FBRSL1: variants seen among roughly 807,000 people sequenced by gnomAD.
FBRSL1 encodes the protein fibrosin-1-like protein.
A neutral mutation model predicts 89.6 loss-of-function variants in FBRSL1; 51 were observed. The ratio of observed to expected loss-of-function variants is 0.57; its 90% confidence interval spans 0.45 to 0.72. The LOEUF (loss-of-function observed/expected upper bound fraction) is 0.72. FBRSL1 is among the 30% of genes least tolerant of loss of function. The pLI is 0.00. For missense variants in FBRSL1, 1,618 were observed against 1,451.8 expected (o/e 1.11, Z -1.86); for synonymous variants, 779 against 681.1 (o/e 1.14, Z -2.24).
At chr12:132,578,436 G>C (rs148678714) in intron 15 of FBRSL1, among the ~76,000 whole-genome samples, 1 of 151,794 alleles carries the variant, frequency 6.6e-6, no homozygotes. Context: ...CTTCATCCTC[G>C]TCCTCACACG....
chr12:132,493,866 G>A (rs1320768941), intron 1 of FBRSL1, among the ~76,000 whole-genome samples: 1 of 152,226 alleles, frequency 6.6e-6, no homozygotes, highest in Non-Finnish European at 1.5e-5. Context: ...CCTAAATGGT[G>A]GTGGTGGTGG....
chr12:132,493,507 C>T (rs1164152004), intron 1 of FBRSL1, among the ~76,000 whole-genome samples: 1 of 152,226 alleles, frequency 6.6e-6, no homozygotes, highest in Non-Finnish European at 1.5e-5. Context: ...GGCCCCAGCC[C>T]TGGCCCCTGG....
intron 4 of FBRSL1, among the ~76,000 whole-genome samples, chr12:132,529,710 C>T (rs2036102870): frequency 1.3e-5 from 2 of 151,960 alleles, no homozygotes; most frequent in African/African-American, 2.4e-5. Flanking sequence ...CCCCTGGGCT[C>T]TTCTCTGCCA....
At chr12:132,557,250 T>G (rs1171396381) in intron 5 of FBRSL1, among the ~76,000 whole-genome samples, 1 of 152,202 alleles carries the variant, frequency 6.6e-6, no homozygotes, top group Non-Finnish European at 1.5e-5. Flanking sequence ...AACACCACCG[T>G]CAAGTCCCTA....
At position 132,546,642 on chromosome 12, in the gene FBRSL1, C is replaced by A. The variant is rs369772681; in HGVS notation, c.616-1361C>A. On this transcript the variant is annotated intron_variant, in intron 4 of 18. Coordinates refer to ENST00000680143, the MANE Select transcript of FBRSL1 (RefSeq NM_001367871.1). The surrounding 1 kb of genome is among the most constrained non-coding windows in gnomAD (Gnocchi z 4.0). Reference sequence around the variant, plus strand: ...GAGGGCTTGGCCACGGCTGAAAGGCCAGACCAGGGGGGACCAGCACACAGC... The same window carrying A: ...GAGGGCTTGGCCACGGCTGAAAGGCAAGACCAGGGGGGACCAGCACACAGC... 6.6e-6 allele frequency among the ~76,000 whole-genome samples: 1 copy of A among 152,106 alleles called. No individual in the cohort carries two copies. Among genetic ancestry groups the A allele is most frequent in the East Asian group, 1.9e-4 (1 of 5,186 alleles).
At chr12:132,517,011 C>T (rs187249798) in intron 2 of FBRSL1, among the ~76,000 whole-genome samples, 10 of 152,344 alleles carry the variant, frequency 6.6e-5, no homozygotes, top group Non-Finnish European at 1.0e-4. Context: ...TAATTTCTCC[C>T]GCCTCCTGGG....
rs1001655812 is a variant in FBRSL1 at position 132,510,321 on chromosome 12, G to A, written c.489+1971G>A. 26 of 1,230,274 alleles carry A rather than the reference G, an allele frequency of 2.1e-5. No individual in the cohort carries two copies. The African/African-American group carries it at 3.6e-4, about 17-fold the overall frequency. The allele number at this position is 1,230,274 out of a possible 1,614,324, so 76.2% of individuals were successfully genotyped here. ...GCGGTCCCTATTGGATCTGGTGCCG[G>A]CCCGTCAGCCCCGGCTCTCGCTCCT... On this transcript the variant is annotated intron_variant, in intron 2 of 18. Transcript: ENST00000680143.
chr12:132,570,040 C>A lies in FBRSL1; in HGVS notation c.806C>A (p.Pro269His). ...TTCCTGCCCACTGCCAGCCCCGCGCCCCATGCCGCGCCCTGCCCGGGGCCC... is the reference window on the plus strand; with the variant it reads ...TTCCTGCCCACTGCCAGCCCCGCGCACCATGCCGCGCCCTGCCCGGGGCCC... ...ESFLPTASPA[P>H]HAAPCPGPPP... Residue 269 changes from proline to histidine, a missense_variant, in exon 7 of 19, where the codon CCC (proline) becomes CAC (histidine). Pro to His is a moderately conservative substitution (Grantham distance 77). Coordinates refer to ENST00000680143, the MANE Select transcript of FBRSL1 (RefSeq NM_001367871.1). The A allele has an allele frequency of 6.6e-7, 1 of 1,510,992 alleles. No individual in the cohort carries two copies. The highest frequency in any genetic ancestry group is 1.2e-5 in the South Asian group (1 of 81,262). The allele number at this position is 1,510,992 out of a possible 1,614,324, so 93.6% of individuals were successfully genotyped here.
chr12:132,511,739 C>G (rs2034363277), intron 2 of FBRSL1: 1 of 985,348 alleles, frequency 1.0e-6, no homozygotes, highest in South Asian at 4.7e-5. Context: ...CTCCAGCACC[C>G]CGCACTTGCT....
rs1026110508 is a variant in FBRSL1, at chr12:132,546,558, G to A, written c.616-1445G>A. On this transcript the variant is annotated intron_variant, in intron 4 of 18. Transcript: ENST00000680143. This position sits in a 1 kb window ranked among gnomAD's most constrained non-coding sequence, Gnocchi z 4.0. ...GCCACGGCTGAAAGGCCAGACCGGG[G>A]GGACCCTAGGAGAGGGCTTGGCCAC... 5.9e-5 allele frequency among the ~76,000 whole-genome samples: 9 copies of A among 151,894 alleles called. No individual in the cohort carries two copies. The highest frequency in any genetic ancestry group is 1.2e-4 in the Non-Finnish European group (8 of 67,898).
intron 8 of FBRSL1, among the ~76,000 whole-genome samples, 176 bp downstream of exon 8, chr12:132,570,716 C>T (rs970544755): frequency 1.3e-5 from 2 of 152,186 alleles, no homozygotes; most frequent in African/African-American, 4.8e-5. Context: ...TGCTGGGCCA[C>T]AGGCCATCTG....
intron 9 of FBRSL1, chr12:132,571,588 AC>A: frequency 1.8e-6 from 2 of 1,110,688 alleles, no homozygotes; most frequent in Non-Finnish European, 2.4e-6. Context: ...CGCAGCAGGC[AC>A]ACACAGACAC....
At chr12:132,536,081 T>A (rs2036705647) in intron 4 of FBRSL1, among the ~76,000 whole-genome samples, 1 of 135,944 alleles carries the variant, frequency 7.4e-6, no homozygotes, top group African/African-American at 2.7e-5. Context: ...GTGTGTTCTG[T>A]GTGTACATGG....
chr12:132,580,913 T>C (rs2040701282), intron 15 of FBRSL1: 1 of 985,422 alleles, frequency 1.0e-6, no homozygotes, highest in Non-Finnish European at 1.2e-6. Context: ...CCAAGGGTTG[T>C]TGGGGGGCCA....
At chr12:132,540,440 CGGCCACCTACCCACCCTGGCCCG>C (rs796794441) in intron 4 of FBRSL1, among the ~76,000 whole-genome samples, 17 of 150,772 alleles carry the variant, frequency 1.1e-4, no homozygotes, top group African/African-American at 3.9e-4. Context: ...CAGCTGGTCC[CGGCCACCTACCCACCCTGGCCCG>C]GGCCACCTAC....
At chr12:132,575,849 C>T (rs1480976299) in intron 14 of FBRSL1, among the ~76,000 whole-genome samples, 2 of 152,250 alleles carry the variant, frequency 1.3e-5, no homozygotes, top group African/African-American at 2.4e-5. Flanking sequence ...CAGGAGGGGC[C>T]GGCCCAGGCC....
intron 2 of FBRSL1, chr12:132,511,214 C>T (rs1439274284): frequency 1.0e-6 from 1 of 985,408 alleles, no homozygotes; most frequent in East Asian, 1.1e-4. Flanking sequence ...ACTCTGCCTC[C>T]ACCACCCCCG....
At chr12:132,515,503 G>T (rs1449853697) in intron 2 of FBRSL1, among the ~76,000 whole-genome samples, 4 of 139,674 alleles carry the variant, frequency 2.9e-5, no homozygotes, top group Non-Finnish European at 6.2e-5. Context: ...GAAAGGTCTA[G>T]AATCTTAAGG....
chr12:132,564,267 A>C (rs12826964), intron 5 of FBRSL1, among the ~76,000 whole-genome samples: 1 of 151,982 alleles, frequency 6.6e-6, no homozygotes, highest in East Asian at 1.9e-4. Flanking sequence ...TGCCCTGAAC[A>C]GCAGCCCAGC....
Sources: gnomAD v4.1 joint callset for allele counts (sites outside exome capture counted in the v4.1 genomes callset) on GRCh38, gnomAD v4.1.1 for gene constraint, Gnocchi (gnomAD v3.1) non-coding constraint, MANE v1.5 for transcripts, NCBI Gene and HGNC (gene_info 2026-07-23, HGNC 2026-07-21) for gene names.